The following ME2 variants were observed in gnomAD, a reference collection of about 807,000 sequenced individuals.
The protein encoded by ME2 is malic enzyme 2.
A neutral mutation model predicts 73.7 loss-of-function variants in ME2; 60 were observed. The observed-to-expected ratio is 0.81, with a 90% CI of 0.66 to 1.01. The LOEUF (loss-of-function observed/expected upper bound fraction) is 1.01. ME2 is among the 50% of genes least tolerant of loss of function. The probability of loss-of-function intolerance (pLI) is 0.00; values close to 1 mark genes in which losing one functional copy is unlikely to be tolerated. For missense variants in ME2, 594 were observed against 705.5 expected, an observed-to-expected ratio of 0.84 and a Z score of 1.79; for synonymous variants, 199 against 236.9, an observed-to-expected ratio of 0.84 and a Z score of 1.47.
At chr18:50,894,737 C>T (rs949649270) in intron 1 of ME2, among the ~76,000 whole-genome samples, 7 of 151,470 alleles carry the variant, frequency 4.6e-5, no homozygotes, top group East Asian at 1.9e-4. Context: ...ATTAGCTGGG[C>T]GTGGTGGCGG....
At chr18:50,884,403 A>G (rs1599081068) in intron 1 of ME2, among the ~76,000 whole-genome samples, 1 of 152,174 alleles carries the variant, frequency 6.6e-6, no homozygotes, top group Non-Finnish European at 1.5e-5. Context: ...GCTAGAGTGC[A>G]GTGGCGTGAT....
At chr18:50,928,972 A>G (rs778264709) in intron 12 of ME2, among the ~76,000 whole-genome samples, 2 of 152,046 alleles carry the variant, frequency 1.3e-5, no homozygotes, top group Non-Finnish European at 2.9e-5. Context: ...CTCTTCCCCA[A>G]CACCAAACTC....
rs530701803 is a variant in ME2 at position 50,882,054 on chromosome 18, A to G, written c.-13+2746A>G. On this transcript the variant is annotated intron_variant, in intron 1 of 15. Coordinates refer to ENST00000321341, the MANE Select transcript of ME2 (RefSeq NM_002396.5). ...CTCACTTTTACCTAGGCTAGAGTGC[A>G]GTGGTGCTGTTATGGTTCACTGCAA... Among the ~76,000 whole-genome samples the G allele has an allele frequency of 2.0e-5, 3 of 152,178 alleles. No homozygotes were observed. The South Asian group carries it at 6.2e-4, about 32-fold the overall frequency.
At chr18:50,935,998 G>T (rs759799832) in intron 13 of ME2, among the ~76,000 whole-genome samples, 1 of 151,914 alleles carries the variant, frequency 6.6e-6, no homozygotes, top group Non-Finnish European at 1.5e-5. Flanking sequence ...TTTAGAACTG[G>T]TGATTGACAA....
At chr18:50,945,913 A>C in intron 15 of ME2, among the ~76,000 whole-genome samples, 1 of 152,092 alleles carries the variant, frequency 6.6e-6, no homozygotes, top group East Asian at 1.9e-4. Flanking sequence ...CTGAACATAC[A>C]AAAATTTACC....
intron 12 of ME2, among the ~76,000 whole-genome samples, chr18:50,927,524 C>T (rs1917581288): frequency 6.6e-6 from 1 of 151,492 alleles, no homozygotes. Context: ...CATAGTGAAA[C>T]CCCGTCTCTA....
chr18:50,907,998 G>T, intron 2 of ME2, 65 bp from the exon 3 acceptor site: 1 of 1,175,798 alleles, frequency 8.5e-7, no homozygotes, highest in Non-Finnish European at 1.2e-6. Flanking sequence ...ATTATATTTT[G>T]AAGAACAATG....
At chr18:50,935,957 A>ATTTG (rs796530175) in intron 13 of ME2, among the ~76,000 whole-genome samples, 13 of 152,208 alleles carry the variant, frequency 8.5e-5, no homozygotes, top group African/African-American at 2.9e-4. Context: ...AGCAGAGGCA[A>ATTTG]CATGTGCCGG....
Position 50,932,540 on chromosome 18 carries a change from T to A in ME2, c.1417+180T>A, listed in dbSNP as rs1369011906. On this transcript the variant is annotated intron_variant, in intron 13 of 15. Coordinates refer to ENST00000321341, the MANE Select transcript of ME2 (RefSeq NM_002396.5). ...ATGCTCCACTTTCTCTGAAAATTTA[T>A]TCATATTGTTAATTAAATTTGTTTT... is the stretch of plus-strand genomic sequence containing the variant. 8.8e-6 allele frequency: 4 copies of A among 452,938 alleles called. No homozygotes were observed. The East Asian group carries it at 1.1e-4, about 12-fold the overall frequency. 28.1% of individuals were successfully genotyped at this position (452,938 alleles called of 1,614,324 possible).
chr18:50,951,043 T>C lies in ME2; in HGVS notation c.*3859T>C, dbSNP rs1334911131. On this transcript the variant is annotated 3_prime_UTR_variant, in exon 16 of 16. Transcript: ENST00000321341. ...AATAGAGAATTTTTGAACATATTTT[T>C]CTGAAAACATAAAAACTAGAGTACT... 2 of 152,256 alleles carry C rather than the reference T, an allele frequency of 1.3e-5. No homozygotes were observed. Among genetic ancestry groups the C allele is most frequent in the African/African-American group, 4.8e-5 (2 of 41,472 alleles). 9.4% of individuals were successfully genotyped at this position (152,256 alleles called of 1,614,324 possible). A position where few individuals can be genotyped will look rare whatever the true frequency, so the allele number is the denominator to read the frequency against.
intron 3 of ME2, 151 bp downstream of exon 3, chr18:50,908,347 C>G (rs1189664605): frequency 3.7e-6 from 2 of 538,550 alleles, no homozygotes; most frequent in East Asian, 6.5e-5. Context: ...GTTTCTTTCA[C>G]TTCGGTGAAT....
intron 14 of ME2, 196 bp from the exon 15 acceptor site, chr18:50,940,092 A>G: frequency 1.8e-6 from 1 of 549,664 alleles, no homozygotes; most frequent in South Asian, 2.6e-5. Flanking sequence ...ATAATCAATA[A>G]GTCTTTAAAT....
At chr18:50,894,455 C>T (rs1916684746) in intron 1 of ME2, among the ~76,000 whole-genome samples, 1 of 151,908 alleles carries the variant, frequency 6.6e-6, no homozygotes, top group Admixed American at 6.6e-5. Flanking sequence ...GTAATCCCAG[C>T]TACTCAGAAG....
chr18:50,901,106 T>G (rs923040318), intron 2 of ME2, among the ~76,000 whole-genome samples: 4 of 152,214 alleles, frequency 2.6e-5, no homozygotes, highest in Non-Finnish European at 5.9e-5. Flanking sequence ...TAGTTATAAT[T>G]TGCCCTTTTA....
At chr18:50,899,133 G>A (rs1026838494) in intron 2 of ME2, among the ~76,000 whole-genome samples, 3 of 152,156 alleles carry the variant, frequency 2.0e-5, no homozygotes, top group Non-Finnish European at 2.9e-5. Flanking sequence ...AAACCCTATT[G>A]TGAACTGCGC....
intron 1 of ME2, among the ~76,000 whole-genome samples, chr18:50,892,487 T>C (rs1273540473): frequency 6.6e-6 from 1 of 152,260 alleles, no homozygotes; most frequent in Non-Finnish European, 1.5e-5. Context: ...ACTATTCCCA[T>C]CCAGAAATGG....
At chr18:50,935,586 TA>T (rs71171365) in intron 13 of ME2, 3,781 of 139,738 alleles carry the variant, frequency 0.027, 139 homozygotes, top group African/African-American at 0.089. Context: ...TCTATAAAAT[TA>T]AAAAAAAAAA....
rs1268755962 is a variant in ME2, at chr18:50,951,460, C to G, written c.*4276C>G. ...TCCTTCAAGGATAACTTTTTCATACCTTTTTTTTGGTTTGTTTGTTTCTGC... is the reference window on the plus strand; with the variant it reads ...TCCTTCAAGGATAACTTTTTCATACGTTTTTTTTGGTTTGTTTGTTTCTGC... On this transcript the variant is annotated 3_prime_UTR_variant, in exon 16 of 16. Transcript: ENST00000321341. The G allele has an allele frequency of 6.6e-6, 1 of 151,330 alleles. No homozygotes were observed. The highest frequency in any genetic ancestry group is 2.4e-5 in the African/African-American group (1 of 41,178). 9.4% of individuals were successfully genotyped at this position (151,330 alleles called of 1,614,324 possible).
At chr18:50,907,814 A>G in intron 2 of ME2, among the ~76,000 whole-genome samples, 1 of 152,332 alleles carries the variant, frequency 6.6e-6, no homozygotes, top group East Asian at 1.9e-4. Context: ...TATATAAAAA[A>G]TTTAAGAATA....
Sources: gnomAD v4.1 joint callset for allele counts (sites outside exome capture counted in the v4.1 genomes callset) on GRCh38, gnomAD v4.1.1 for gene constraint, MANE v1.5 for transcripts, NCBI Gene and HGNC (gene_info 2026-07-23, HGNC 2026-07-21) for gene names.